ITK: variants seen among roughly 807,000 people sequenced by gnomAD.
The protein encoded by ITK is tyrosine-protein kinase ITK/TSK.
Under a neutral mutation model 87.6 loss-of-function variants are expected in ITK, and 45 were observed. The ratio of observed to expected loss-of-function variants is 0.51; its 90% confidence interval spans 0.40 to 0.66. ITK has a LOEUF of 0.66. Among genes scored for constraint, ITK ranks in the 30% least tolerant of loss-of-function variants. ITK has a pLI of 0.00. For synonymous variants in ITK, 303 were observed against 273.6 expected (o/e 1.11, Z -1.06); for missense variants, 605 against 766.3 (o/e 0.79, Z 2.48).
chr5:157,223,618 G>GTT (rs34114644), intron 6 of ITK, among the ~76,000 whole-genome samples: 18 of 151,156 alleles, frequency 1.2e-4, no homozygotes, highest in South Asian at 4.2e-4. Flanking sequence ...GCCTTTTAAG[G>GTT]TTTTTTTTTC....
At chr5:157,183,756 G>A (rs879422647) in intron 1 of ITK, among the ~76,000 whole-genome samples, 8 of 152,072 alleles carry the variant, frequency 5.3e-5, no homozygotes, top group Non-Finnish European at 7.4e-5. Context: ...TTAGGGTGTC[G>A]GGTGTCAGAG....
chr5:157,184,210 C>T (rs1306080571), intron 1 of ITK, among the ~76,000 whole-genome samples: 2 of 152,136 alleles, frequency 1.3e-5, no homozygotes, highest in Non-Finnish European at 2.9e-5. Flanking sequence ...GATAAGGGCA[C>T]ATGGATGTCC....
Position 157,245,792 on chromosome 5 carries a change from T to G in ITK, c.1514+2T>G. ...GGTGTCTGACTTTGGGATGACAAGG[T>G]AAAAGAGGGATGTGGTGCCGGTGAA... On this transcript the variant is annotated splice_donor_variant, in intron 14 of 16. Coordinates refer to ENST00000422843, the MANE Select transcript of ITK (RefSeq NM_005546.4). LOFTEE classifies it high-confidence loss of function. 1 of 1,613,952 alleles carries G rather than the reference T, an allele frequency of 6.2e-7. No individual in the cohort carries two copies. The highest frequency in any genetic ancestry group is 8.5e-7 in the Non-Finnish European group (1 of 1,179,892).
chr5:157,211,222 G>A (rs1580886939), intron 2 of ITK, 65 bp from the exon 3 acceptor site: 2 of 1,355,418 alleles, frequency 1.5e-6, no homozygotes, highest in Non-Finnish European at 2.1e-6. Context: ...GGCTCAGTAG[G>A]TCTGCTGTCA....
chr5:157,186,396 C>G (rs819237), intron 1 of ITK, among the ~76,000 whole-genome samples: 1 of 149,188 alleles, frequency 6.7e-6, no homozygotes, highest in Non-Finnish European at 1.5e-5. Flanking sequence ...GAGAGAGAGG[C>G]GGGCACGATG....
At chr5:157,234,805 A>G (rs548568628) in intron 8 of ITK, among the ~76,000 whole-genome samples, 1 of 152,238 alleles carries the variant, frequency 6.6e-6, no homozygotes, top group South Asian at 2.1e-4. Flanking sequence ...GCTAGGGGAG[A>G]GATAGGATTA....
chr5:157,254,576 T>G lies in ITK; in HGVS notation c.*1898T>G, dbSNP rs1755214161. ...ACTGGCTTGAGATTCAGATGCATAA[T>G]TTTTAATTATAATTATTGTGAAGTG... On this transcript the variant is annotated 3_prime_UTR_variant, in exon 17 of 17. Transcript: ENST00000422843. The G allele has an allele frequency of 4.6e-6, 1 of 219,010 alleles. No homozygotes were observed. The highest frequency in any genetic ancestry group is 1.8e-4 in the South Asian group (1 of 5,406). The allele number at this position is 219,010 out of a possible 1,614,324, so 13.6% of individuals were successfully genotyped here. A position where few individuals can be genotyped will look rare whatever the true frequency, so the allele number is the denominator to read the frequency against.
Position 157,254,979 on chromosome 5 carries a change from T to C in ITK, c.*2301T>C, listed in dbSNP as rs1325407247. 4.8e-6 allele frequency: 1 copy of C among 210,280 alleles called. No individual in the cohort carries two copies. Among genetic ancestry groups the C allele is most frequent in the East Asian group, 7.2e-5 (1 of 13,980 alleles). 13.0% of individuals were successfully genotyped at this position (210,280 alleles called of 1,614,324 possible). On this transcript the variant is annotated 3_prime_UTR_variant, in exon 17 of 17. Coordinates refer to ENST00000422843, the MANE Select transcript of ITK (RefSeq NM_005546.4). The stretch of plus-strand genomic sequence containing the variant: ...ACTCCCTTATACAGAGTTTTGGTTC[T>C]AGTTTTATTTCGTAGATTTTGCATT...
At chr5:157,188,600 C>T (rs1753691208) in intron 1 of ITK, among the ~76,000 whole-genome samples, 1 of 150,744 alleles carries the variant, frequency 6.6e-6, no homozygotes, top group Non-Finnish European at 1.5e-5. Flanking sequence ...TCAAACACCC[C>T]AGATTTTTGC....
At chr5:157,211,486 G>T (rs1754191523) in intron 3 of ITK, 118 bp downstream of exon 3, 1 of 877,930 alleles carries the variant, frequency 1.1e-6, no homozygotes, top group South Asian at 1.4e-5. Context: ...CTCTTTTGGG[G>T]TTGGTGGAAG....
rs1754884017 is a variant in ITK at position 157,240,998 on chromosome 5, C to T, written c.986-648C>T. On this transcript the variant is annotated intron_variant, in intron 10 of 16. Transcript: ENST00000422843. ...TGTTGCCCAGGCTGGAGTGCAGTGG[C>T]TCAATCTTGGCTCACTGCAACCTCC... is the stretch of plus-strand genomic sequence containing the variant. The T allele has an allele frequency of 2.0e-5, 3 of 149,064 alleles. No individual in the cohort carries two copies. The South Asian group carries it at 6.3e-4, about 31-fold the overall frequency. The allele number at this position is 149,064 out of a possible 1,614,324, so 9.2% of individuals were successfully genotyped here. A position where few individuals can be genotyped will look rare whatever the true frequency, so the allele number is the denominator to read the frequency against.
At chr5:157,210,277 T>C (rs1336451147) in intron 2 of ITK, among the ~76,000 whole-genome samples, 1 of 152,136 alleles carries the variant, frequency 6.6e-6, no homozygotes, top group African/African-American at 2.4e-5. Flanking sequence ...GATATCTCCT[T>C]GCACATCCCA....
chr5:157,199,795 C>T (rs1753929989), intron 1 of ITK: 1 of 152,054 alleles, frequency 6.6e-6, no homozygotes, highest in African/African-American at 2.4e-5. Flanking sequence ...AGAAAATGTT[C>T]AAAAATAGTA....
chr5:157,220,149 T>G (rs1754385233), intron 5 of ITK, among the ~76,000 whole-genome samples: 1 of 152,206 alleles, frequency 6.6e-6, no homozygotes, highest in South Asian at 2.1e-4. Flanking sequence ...ACAGGTCTCA[T>G]GCTCTATGTG....
intron 16 of ITK, among the ~76,000 whole-genome samples, chr5:157,250,475 T>C (rs533568643): frequency 1.5e-3 from 231 of 152,180 alleles, no homozygotes; most frequent in African/African-American, 5.4e-3. Flanking sequence ...AAGGAAATCT[T>C]GGTTGTTTTC....
At chr5:157,205,961 A>T (rs1231755833) in intron 1 of ITK, among the ~76,000 whole-genome samples, 2 of 149,718 alleles carry the variant, frequency 1.3e-5, no homozygotes, top group South Asian at 2.1e-4. Flanking sequence ...TTGATCATGT[A>T]AAAAAGGATT....
rs370820165 is a variant in ITK at position 157,253,622 on chromosome 5, C to T, written c.*944C>T. 3 of 228,170 alleles carry T rather than the reference C, an allele frequency of 1.3e-5. No individual in the cohort carries two copies. Among genetic ancestry groups the T allele is most frequent in the South Asian group, 3.6e-4 (2 of 5,486 alleles). The allele number at this position is 228,170 out of a possible 1,614,324, so 14.1% of individuals were successfully genotyped here. ...TTTCCAGCCTCTGGGAATCAGCCCC[C>T]CCTCTCTGCACTATCCGATCCTCAT... is the stretch of plus-strand genomic sequence containing the variant. On this transcript the variant is annotated 3_prime_UTR_variant, in exon 17 of 17. Coordinates refer to ENST00000422843, the MANE Select transcript of ITK (RefSeq NM_005546.4).
At chr5:157,213,962 G>T (rs1447075370) in intron 3 of ITK, among the ~76,000 whole-genome samples, 3 of 152,202 alleles carry the variant, frequency 2.0e-5, no homozygotes, top group Non-Finnish European at 4.4e-5. Context: ...CTAATGCAAG[G>T]CAGAGCCAGA....
At chr5:157,233,949 A>ATATATATATATATATATG (rs1561661122) in intron 8 of ITK, among the ~76,000 whole-genome samples, 1 of 19,200 alleles carries the variant, frequency 5.2e-5, no homozygotes, top group African/African-American at 2.0e-4. Context: ...ATATATATAT[A>ATATATATATATATATATG]TATATATATA....
Sources: allele counts gnomAD v4.1 joint callset (sites outside exome capture counted in the v4.1 genomes callset), GRCh38; gene constraint gnomAD v4.1.1; transcripts MANE v1.5; gene names NCBI Gene and HGNC (gene_info 2026-07-23, HGNC 2026-07-21).